E2F2: variants seen among roughly 807,000 people sequenced by gnomAD.
E2F2 encodes the protein E2F transcription factor 2.
E2F2 carries 22 observed loss-of-function variants against 42.2 expected under a neutral mutation model. The ratio of observed to expected loss-of-function variants is 0.52; its 90% CI spans 0.37 to 0.74. The LOEUF is 0.74. Among genes scored for constraint, E2F2 ranks in the 30% least tolerant of loss-of-function variants. The probability of loss-of-function intolerance (pLI) is 0.00; values close to 1 mark genes in which losing one functional copy is unlikely to be tolerated. For missense variants in E2F2, 481 were observed against 557.8 expected, an observed-to-expected ratio of 0.86 and a Z score of 1.39; for synonymous variants, 248 against 251.6, an observed-to-expected ratio of 0.99 and a Z score of 0.13.
At chr1:23,510,832 G>A (rs1188612034) in intron 6 of E2F2, among the ~76,000 whole-genome samples, 1 of 152,126 alleles carries the variant, frequency 6.6e-6, no homozygotes, top group Non-Finnish European at 1.5e-5. Context: ...GTTTTACAAG[G>A]TGAAAGGAGT....
At position 23,522,115 on chromosome 1, in the gene E2F2, C is replaced by T. The variant is rs1025797355; in HGVS notation, c.359-59G>A. 7 of 1,523,404 alleles carry T rather than the reference C, an allele frequency of 4.6e-6. No homozygotes were observed. The East Asian group carries it at 1.4e-4, about 30-fold the overall frequency. 94.4% of individuals were successfully genotyped at this position (1,523,404 alleles called of 1,614,324 possible). A position where few individuals can be genotyped will look rare whatever the true frequency, so the allele number is the denominator to read the frequency against. On this transcript the variant is annotated intron_variant, in intron 2 of 6. Coordinates refer to ENST00000361729, the MANE Select transcript of E2F2 (RefSeq NM_004091.4). ...GAGGGGAGGGCCCGCCCAGGACCCT[C>T]GTCCATTGACCTAGGCTCATTAAGT... is the stretch of plus-strand genomic sequence containing the variant.
At chr1:23,510,897 G>T (rs1307593401) in intron 6 of E2F2, among the ~76,000 whole-genome samples, 1 of 152,094 alleles carries the variant, frequency 6.6e-6, no homozygotes, top group Non-Finnish European at 1.5e-5. Flanking sequence ...AATTACCACT[G>T]AACTGTACAT....
At chr1:23,518,163 G>A (rs965382425) in intron 5 of E2F2, among the ~76,000 whole-genome samples, 1 of 150,376 alleles carries the variant, frequency 6.6e-6, no homozygotes, top group Non-Finnish European at 1.5e-5. Flanking sequence ...AGAGCAAGAC[G>A]CTGTCTTAAA....
Position 23,510,535 on chromosome 1 carries a change from G to A in E2F2, c.1046-387C>T, listed in dbSNP as rs188254522. 5.2e-3 allele frequency among the ~76,000 whole-genome samples: 792 copies of A among 152,236 alleles called. 6 individuals carry two copies. Among genetic ancestry groups the A allele is most frequent in the Non-Finnish European group, 6.2e-3 (419 of 68,012 alleles). ...AGATGGGGTTTCACCATGTTGGCCA[G>A]GCTGGTCTCGAACTCCTGACCTCAA... On this transcript the variant is annotated intron_variant, in intron 6 of 6. Transcript: ENST00000361729.
downstream of E2F2, among the ~76,000 whole-genome samples, chr1:23,505,307 C>T (rs974424866): frequency 2.6e-5 from 4 of 152,182 alleles, no homozygotes; most frequent in Non-Finnish European, 5.9e-5. Context: ...AGGAGAGTAA[C>T]GCGATTAGAA....
In E2F2 at chr1:23,524,417, C is replaced by T; in HGVS notation, c.324G>A (p.Lys108=). ...TGGGGAGGCCATCCACTCTGATGCACTTCCCCTTGGGGGTTGGGAACTCAG... is the reference window on the plus strand; with the variant it reads ...TGGGGAGGCCATCCACTCTGATGCATTTCCCCTTGGGGGTTGGGAACTCAG... ...VVPEFPTPKG[K]CIRVDGLPSP... is the part of the protein sequence containing the mutation. The change falls in exon 2 of 7, where the codon AAG becomes AAA. Residue 108 remains lysine, a synonymous_variant. Coordinates refer to ENST00000361729, the MANE Select transcript of E2F2 (RefSeq NM_004091.4). 1.2e-6 allele frequency: 2 copies of T among 1,613,706 alleles called. No homozygotes were observed. The highest frequency in any genetic ancestry group is 2.2e-5 in the East Asian group (1 of 44,822).
chr1:23,524,321 G>A, intron 2 of E2F2, 62 bp downstream of exon 2: 2 of 1,279,088 alleles, frequency 1.6e-6, no homozygotes, highest in Non-Finnish European at 2.1e-6. Context: ...CAGTGATTGG[G>A]CAGGGCACTG....
In E2F2 at chr1:23,509,801, C is replaced by G. The variant is rs371373736; in HGVS notation, c.*79G>C. Reference sequence around the variant, plus strand: ...GGGCAGCACCTAGTGTCCAATGTCCCTGTGCAGGCAGAGGGGCTGTCAGCC... The same window carrying G: ...GGGCAGCACCTAGTGTCCAATGTCCGTGTGCAGGCAGAGGGGCTGTCAGCC... On this transcript the variant is annotated 3_prime_UTR_variant, in exon 7 of 7. Transcript: ENST00000361729. The G allele has an allele frequency of 8.2e-6, 12 of 1,470,046 alleles. No individual in the cohort carries two copies. The highest frequency in any genetic ancestry group is 1.1e-5 in the Non-Finnish European group (12 of 1,108,704). The allele number at this position is 1,470,046 out of a possible 1,614,324, so 91.1% of individuals were successfully genotyped here. A position where few individuals can be genotyped will look rare whatever the true frequency, so the allele number is the denominator to read the frequency against.
intron 6 of E2F2, among the ~76,000 whole-genome samples, chr1:23,515,537 T>TA (rs1483522170): frequency 6.6e-6 from 1 of 152,118 alleles, no homozygotes; most frequent in Non-Finnish European, 1.5e-5. Context: ...ATTTTTTTTT[T>TA]AATGGGCAAA....
At chr1:23,520,243 C>CAAAAAAAAAAAAAAAAAAAAAAAAAAA (rs66460864) in intron 4 of E2F2, among the ~76,000 whole-genome samples, 1 of 78,896 alleles carries the variant, frequency 1.3e-5, no homozygotes. Context: ...GACTCTGTCT[C>CAAAAAAAAAAAAAAAAAAAAAAAAAAA]AAAAAAAAAA....
rs1214526948 is a variant in E2F2 at position 23,524,377 on chromosome 1, G to A, written c.358+6C>T. On this transcript the variant is annotated splice_donor_region_variant and intron_variant, in intron 2 of 6. Coordinates refer to ENST00000361729, the MANE Select transcript of E2F2 (RefSeq NM_004091.4). ...CCACCCCAGAGGCCCCATCAGCACT[G>A]CTTACTTTTGGGGCTGGGGAGGCCA... is the stretch of plus-strand genomic sequence containing the variant. 1 of 1,603,200 alleles carries A rather than the reference G, an allele frequency of 6.2e-7. No individual in the cohort carries two copies. The highest frequency in any genetic ancestry group is 1.1e-5 in the South Asian group (1 of 89,722).
chr1:23,514,833 C>CAAAA lies in E2F2; in HGVS notation c.1045+1498_1045+1501dup, dbSNP rs74604082. On this transcript the variant is annotated intron_variant, in intron 6 of 6. Transcript: ENST00000361729. ...GCCTGGTGACGGAGCGAGACTGTCT[C>CAAAA]AAAAAAAAAAAAAAAAAAAAAAGCT... Among the ~76,000 whole-genome samples the CAAAA allele has an allele frequency of 8.9e-3, 414 of 46,700 alleles. 2 individuals carry two copies. Among genetic ancestry groups the CAAAA allele is most frequent in the Non-Finnish European group, 0.017 (366 of 21,396 alleles). The allele number at this position is 46,700 out of a possible 152,430, so 30.6% of individuals were successfully genotyped here. A position where few individuals can be genotyped will look rare whatever the true frequency, so the allele number is the denominator to read the frequency against.
intron 6 of E2F2, among the ~76,000 whole-genome samples, chr1:23,515,553 T>A (rs1474779898): frequency 1.3e-5 from 2 of 152,122 alleles, no homozygotes; most frequent in African/African-American, 2.4e-5. Flanking sequence ...GCAAATTTTA[T>A]TATTTTATTT....
rs749823518 is a variant in E2F2 at position 23,516,447 on chromosome 1, G to C, written c.933C>G (p.Asp311Glu). 9 of 1,609,656 alleles carry C rather than the reference G, an allele frequency of 5.6e-6. No individual in the cohort carries two copies. The highest frequency in any genetic ancestry group is 1.1e-5 in the South Asian group (1 of 90,374). ...YLCPEEVQEP[D>E]SPSEEPLPST... Reference sequence around the variant, plus strand: ...AGGGGAGAGGCTCCTCGGAAGGACTGTCCGGCTCCTGCACCTCCTCTGGGC... The same window carrying C: ...AGGGGAGAGGCTCCTCGGAAGGACTCTCCGGCTCCTGCACCTCCTCTGGGC... The change falls in exon 6 of 7, where the codon GAC (aspartate) becomes GAG (glutamate). Residue 311 changes from aspartate to glutamate, a missense_variant. Coordinates refer to ENST00000361729, the MANE Select transcript of E2F2 (RefSeq NM_004091.4).
chr1:23,530,955 C>T lies in E2F2; in HGVS notation c.-162G>A. ...AAGGCCGGACCCTCCCCTCCTGGCC[C>T]GCGGCCGAGCAGAGAGCAGCGCTTA... On this transcript the variant is annotated 5_prime_UTR_variant, in exon 1 of 7. Transcript: ENST00000361729. This position sits in a 1 kb window ranked among gnomAD's most constrained non-coding sequence, Gnocchi z 4.4. 1 of 877,270 alleles carries T rather than the reference C, an allele frequency of 1.1e-6. No homozygotes were observed. Among genetic ancestry groups the T allele is most frequent in the Non-Finnish European group, 1.6e-6 (1 of 624,116 alleles). The allele number at this position is 877,270 out of a possible 1,614,324, so 54.3% of individuals were successfully genotyped here.
chr1:23,522,028 C>T lies in E2F2; in HGVS notation c.387G>A (p.Arg129=), dbSNP rs542949500. 3.8e-5 allele frequency: 62 copies of T among 1,614,170 alleles called. 1 individual carries two copies. In the South Asian group the frequency reaches 6.5e-4, roughly 17 times the overall value. Reference sequence around the variant, plus strand: ...TGAGCAGCCCCAGCGAAGTGTCATACCGAGTCTTCTCCCCGGGGGATTTGG... The same window carrying T: ...TGAGCAGCCCCAGCGAAGTGTCATATCGAGTCTTCTCCCCGGGGGATTTGG... The part of the protein sequence containing the change: ...KTPKSPGEKT[R]YDTSLGLLTK... The change falls in exon 3 of 7, where the codon CGG becomes CGA. Residue 129 remains arginine, a synonymous_variant. Coordinates refer to ENST00000361729, the MANE Select transcript of E2F2 (RefSeq NM_004091.4).
chr1:23,528,850 G>C (rs1043317474), intron 1 of E2F2, among the ~76,000 whole-genome samples: 1 of 152,262 alleles, frequency 6.6e-6, no homozygotes, highest in East Asian at 1.9e-4. Context: ...TCCCTTCCCT[G>C]GGGGGAGCTC....
chr1:23,529,739 G>C (rs1229643054), intron 1 of E2F2, among the ~76,000 whole-genome samples: 4 of 152,076 alleles, frequency 2.6e-5, no homozygotes, highest in Non-Finnish European at 5.9e-5. Context: ...CAGAAACCAG[G>C]CTCCTCAACC....
At position 23,506,710 on chromosome 1, in the gene E2F2, A is replaced by C. The variant is rs1642802721; in HGVS notation, c.*3170T>G. The C allele has an allele frequency of 6.6e-6, 1 of 152,254 alleles. No homozygotes were observed. The highest frequency in any genetic ancestry group is 2.4e-5 in the African/African-American group (1 of 41,468). The allele number at this position is 152,254 out of a possible 1,614,324, so 9.4% of individuals were successfully genotyped here. A position where few individuals can be genotyped will look rare whatever the true frequency, so the allele number is the denominator to read the frequency against. On this transcript the variant is annotated 3_prime_UTR_variant, in exon 7 of 7. Transcript: ENST00000361729. ...ATAGGGTTCTGGGACCTCAGGATAC[A>C]ATCACAAGAACCAGAAAGCTGCTTC...
Sources: allele counts gnomAD v4.1 joint callset (sites outside exome capture counted in the v4.1 genomes callset), GRCh38; gene constraint gnomAD v4.1.1; non-coding constraint Gnocchi (gnomAD v3.1); transcripts MANE v1.5; gene names NCBI Gene and HGNC (gene_info 2026-07-23, HGNC 2026-07-21).